Variants in UQCC1 observed in about 807,000 individuals in gnomAD.
The protein encoded by UQCC1 is ubiquinol-cytochrome c reductase complex assembly factor 1, also known as bFGF-repressed Zic-binding protein.
UQCC1 carries 38 observed loss-of-function variants against 48.0 expected under a neutral mutation model. The ratio of observed to expected loss-of-function variants is 0.79; its 90% CI spans 0.61 to 1.04. The LOEUF (loss-of-function observed/expected upper bound fraction) is 1.04, where lower values mean the gene tolerates loss of function less well. Ranked by LOEUF, UQCC1 falls within the 50% of genes least tolerant of loss-of-function variation. The pLI is 0.00. For missense variants in UQCC1, 368 were observed against 381.8 expected, an observed-to-expected ratio of 0.96 and a Z score of 0.30; for synonymous variants, 111 against 129.2, an observed-to-expected ratio of 0.86 and a Z score of 0.95.
At chr20:35,330,491 C>T (rs1238554931) in intron 7 of UQCC1, among the ~76,000 whole-genome samples, 3 of 152,212 alleles carry the variant, frequency 2.0e-5, no homozygotes, top group Admixed American at 6.5e-5. Flanking sequence ...GGTGGGGCTT[C>T]CTGCCATCAG....
At chr20:35,383,243 T>C (rs367721604) in intron 3 of UQCC1, among the ~76,000 whole-genome samples, 1 of 152,174 alleles carries the variant, frequency 6.6e-6, no homozygotes, top group Non-Finnish European at 1.5e-5. Context: ...TGTTCTAATG[T>C]TAACCCTCTC....
rs73903056 is a variant in UQCC1, at chr20:35,360,102, G to A, written c.464+6455C>T. 2.3e-3 allele frequency among the ~76,000 whole-genome samples: 349 copies of A among 152,292 alleles called. 1 individual carries two copies. The highest frequency in any genetic ancestry group is 7.9e-3 in the African/African-American group (330 of 41,564). Reference sequence around the variant, plus strand: ...AAGCCCCTGGGTACCAGGTATCAGCGCACTTAGGGTATGCAATGCTGGTAA... The same window carrying A: ...AAGCCCCTGGGTACCAGGTATCAGCACACTTAGGGTATGCAATGCTGGTAA... On this transcript the variant is annotated intron_variant, in intron 6 of 9. Transcript: ENST00000374385.
chr20:35,341,237 AAG>A (rs2061375094), intron 7 of UQCC1, among the ~76,000 whole-genome samples: 1 of 139,814 alleles, frequency 7.2e-6, no homozygotes, highest in Non-Finnish European at 1.6e-5. Context: ...AAAAAAAAAA[AAG>A]AAAGAAAGAA....
chr20:35,355,725 A>C (rs1476052143), intron 6 of UQCC1, among the ~76,000 whole-genome samples: 1 of 152,144 alleles, frequency 6.6e-6, no homozygotes, highest in Non-Finnish European at 1.5e-5. Flanking sequence ...ATCCCCTGCC[A>C]ACCCGTTCCT....
At chr20:35,387,155 G>A (rs2061954782) in intron 2 of UQCC1, among the ~76,000 whole-genome samples, 1 of 151,946 alleles carries the variant, frequency 6.6e-6, no homozygotes, top group African/African-American at 2.4e-5. Flanking sequence ...GCATGGTGGT[G>A]TGTGCCTGTA....
At chr20:35,401,364 G>A (rs1380807719) in intron 1 of UQCC1, among the ~76,000 whole-genome samples, 5 of 152,096 alleles carry the variant, frequency 3.3e-5, no homozygotes, top group Non-Finnish European at 7.3e-5. Flanking sequence ...TTTTAAAGAT[G>A]GGATTCACCA....
At chr20:35,334,469 T>C (rs2061292249) in intron 7 of UQCC1, among the ~76,000 whole-genome samples, 1 of 152,210 alleles carries the variant, frequency 6.6e-6, no homozygotes, top group Admixed American at 6.5e-5. Flanking sequence ...ACACTGTTCC[T>C]CTGCCTGGCA....
intron 7 of UQCC1, among the ~76,000 whole-genome samples, chr20:35,323,089 C>T (rs982335243): frequency 1.5e-4 from 23 of 152,108 alleles, no homozygotes; most frequent in Admixed American, 1.4e-3. Flanking sequence ...CCTTGTGATC[C>T]GCCTGCCTCA....
chr20:35,304,008 C>A lies in UQCC1; in HGVS notation c.827G>T (p.Arg276Leu). 1 of 1,614,140 alleles carries A rather than the reference C, an allele frequency of 6.2e-7. No homozygotes were observed. Among genetic ancestry groups the A allele is most frequent in the Non-Finnish European group, 8.5e-7 (1 of 1,180,022 alleles). The change falls in exon 10 of 10, where the codon CGC (arginine) becomes CTC (leucine). Residue 276 changes from arginine to leucine, a missense_variant. Transcript: ENST00000374385. ...CTGAGGATTCTTCTCCACTAGAGGG[C>A]GCCAGCTCACCTCCCCTGTCAGAAG... ...DLLLTGEVSWRPLVEKNPQSI... is the reference protein window; with the variant it reads ...DLLLTGEVSWLPLVEKNPQSI...
chr20:35,323,938 C>A (rs1296284913), intron 7 of UQCC1, among the ~76,000 whole-genome samples: 1 of 152,150 alleles, frequency 6.6e-6, no homozygotes, highest in Non-Finnish European at 1.5e-5. Context: ...TACAAACAAC[C>A]AAATATAAAA....
intron 1 of UQCC1, chr20:35,410,148 G>T (rs954509805): frequency 6.6e-6 from 1 of 152,166 alleles, no homozygotes; most frequent in Non-Finnish European, 1.5e-5. Context: ...CTGTAAAATA[G>T]AGGAAATAAC....
At chr20:35,353,724 C>T (rs746730738) in intron 6 of UQCC1, among the ~76,000 whole-genome samples, 1 of 151,782 alleles carries the variant, frequency 6.6e-6, no homozygotes, top group Non-Finnish European at 1.5e-5. Context: ...CCTGGGAGGT[C>T]AAGGCTGCAT....
chr20:35,341,554 T>C (rs1010819075), intron 7 of UQCC1, among the ~76,000 whole-genome samples: 2 of 152,192 alleles, frequency 1.3e-5, no homozygotes, highest in Non-Finnish European at 2.9e-5. Context: ...AACAGGCACT[T>C]TGGAGACAGA....
intron 5 of UQCC1, among the ~76,000 whole-genome samples, chr20:35,369,497 A>G (rs141009614): frequency 8.0e-4 from 122 of 152,342 alleles, no homozygotes; most frequent in African/African-American, 2.9e-3. Context: ...ATCAAGTTGG[A>G]TACAATTAAA....
At chr20:35,399,689 T>A (rs542030083) in intron 1 of UQCC1, among the ~76,000 whole-genome samples, 127 of 151,844 alleles carry the variant, frequency 8.4e-4, no homozygotes, top group African/African-American at 3.0e-3. Flanking sequence ...AAACCCCATC[T>A]CTACTAAAAA....
chr20:35,403,926 G>C (rs187068964), intron 1 of UQCC1, among the ~76,000 whole-genome samples: 10 of 152,052 alleles, frequency 6.6e-5, no homozygotes, highest in Non-Finnish European at 1.5e-4. Flanking sequence ...TGGGGGGAGC[G>C]GGGAGGGATA....
intron 7 of UQCC1, among the ~76,000 whole-genome samples, chr20:35,330,678 G>A (rs113425088): frequency 9.3e-4 from 141 of 152,290 alleles, no homozygotes; most frequent in African/African-American, 3.2e-3. Flanking sequence ...GGCTATTAGG[G>A]ACGGAGCCAG....
chr20:35,387,112 A>AC (rs1211007754), intron 2 of UQCC1, among the ~76,000 whole-genome samples: 1 of 149,718 alleles, frequency 6.7e-6, no homozygotes, highest in African/African-American at 2.5e-5. Flanking sequence ...CACCATCTCT[A>AC]CCCCCCTCCA....
chr20:35,329,666 C>G (rs2061235360), intron 7 of UQCC1, among the ~76,000 whole-genome samples: 1 of 152,238 alleles, frequency 6.6e-6, no homozygotes, highest in Non-Finnish European at 1.5e-5. Context: ...TATCCTAGGT[C>G]TGACCTCAGA....
Sources: gnomAD v4.1 joint callset for allele counts (sites outside exome capture counted in the v4.1 genomes callset) on GRCh38, gnomAD v4.1.1 for gene constraint, MANE v1.5 for transcripts, NCBI Gene and HGNC (gene_info 2026-07-23, HGNC 2026-07-21) for gene names.